RABEP1: variants seen among roughly 807,000 people sequenced by gnomAD.
The protein encoded by RABEP1 is rabaptin, RAB GTPase binding effector protein 1, also known as rab GTPase-binding effector protein 1.
Under a neutral mutation model 123.4 loss-of-function variants are expected in RABEP1, and 51 were observed. The ratio of observed to expected loss-of-function variants is 0.41; its 90% CI spans 0.33 to 0.52. The LOEUF is 0.52. Among genes scored for constraint, RABEP1 ranks in the 20% least tolerant of loss-of-function variants. The pLI, the probability that RABEP1 is intolerant of heterozygous loss-of-function variation, is 0.16. For missense variants in RABEP1, 888 were observed against 996.3 expected, an observed-to-expected ratio of 0.89 and a Z score of 1.46; for synonymous variants, 347 against 355.2, an observed-to-expected ratio of 0.98 and a Z score of 0.26.
At chr17:5,329,626 A>T (rs1161908296) in intron 2 of RABEP1, among the ~76,000 whole-genome samples, 1 of 152,202 alleles carries the variant, frequency 6.6e-6, no homozygotes, top group Non-Finnish European at 1.5e-5. Context: ...ACTTTTGAAT[A>T]TGTTTGAAAA....
At chr17:5,364,339 G>A (rs1252098792) in intron 10 of RABEP1, 1 of 152,194 alleles carries the variant, frequency 6.6e-6, no homozygotes, top group Non-Finnish European at 1.5e-5. Context: ...TATGTGGCTG[G>A]GCACAGGGGG....
intron 17 of RABEP1, among the ~76,000 whole-genome samples, chr17:5,382,838 T>C (rs1375936617): frequency 1.3e-5 from 2 of 151,982 alleles, no homozygotes; most frequent in African/African-American, 4.8e-5. Flanking sequence ...GAGAATCACT[T>C]GAACCCGGGA....
chr17:5,290,737 G>A (rs939729768), intron 1 of RABEP1, among the ~76,000 whole-genome samples: 11 of 151,900 alleles, frequency 7.2e-5, no homozygotes, highest in African/African-American at 1.5e-4. Context: ...GAATTACTCC[G>A]TGCTCATGAC....
At chr17:5,382,723 G>A (rs1477967571) in intron 17 of RABEP1, among the ~76,000 whole-genome samples, 1 of 152,056 alleles carries the variant, frequency 6.6e-6, no homozygotes, top group Non-Finnish European at 1.5e-5. Context: ...CTGCACTCCA[G>A]CCTGGGTGAC....
At chr17:5,354,917 T>C (rs570030939) in intron 8 of RABEP1, among the ~76,000 whole-genome samples, 1 of 152,268 alleles carries the variant, frequency 6.6e-6, no homozygotes, top group South Asian at 2.1e-4. Context: ...CTGACGGCCA[T>C]GGGTGAGGTT....
intron 1 of RABEP1, among the ~76,000 whole-genome samples, chr17:5,306,630 A>C (rs1003516791): frequency 2.0e-5 from 3 of 151,658 alleles, no homozygotes; most frequent in African/African-American, 7.3e-5. Flanking sequence ...TCTGTCTGAA[A>C]AAAAAAAAAG....
intron 16 of RABEP1, 149 bp downstream of exon 16, chr17:5,380,611 A>C: frequency 1.4e-6 from 1 of 714,140 alleles, no homozygotes; most frequent in East Asian, 2.8e-5. Context: ...GAAAAAACTT[A>C]AACGAATTGA....
chr17:5,350,334 T>A (rs1442547392), intron 6 of RABEP1, 117 bp from the exon 7 acceptor site: 1 of 1,081,392 alleles, frequency 9.2e-7, no homozygotes, highest in Non-Finnish European at 1.3e-6. Context: ...GAGCCAAGAT[T>A]GCACCACTGC....
intron 2 of RABEP1, among the ~76,000 whole-genome samples, chr17:5,324,190 A>G (rs1905734802): frequency 6.6e-6 from 1 of 152,176 alleles, no homozygotes; most frequent in Non-Finnish European, 1.5e-5. Context: ...AAAATTTACT[A>G]CAAAGCTATA....
intron 1 of RABEP1, among the ~76,000 whole-genome samples, chr17:5,302,244 A>ATTTT (rs57770310): frequency 8.4e-6 from 1 of 118,394 alleles, no homozygotes. Flanking sequence ...TACTGAAAAC[A>ATTTT]TTTTTTTTTT....
chr17:5,380,045 T>A (rs1389493912), intron 15 of RABEP1, among the ~76,000 whole-genome samples: 2 of 152,220 alleles, frequency 1.3e-5, no homozygotes, highest in Admixed American at 6.5e-5. Context: ...AATGTAGGAG[T>A]CAAATGTCAT....
chr17:5,376,421 G>C (rs1042394464), intron 13 of RABEP1, among the ~76,000 whole-genome samples: 1 of 152,280 alleles, frequency 6.6e-6, no homozygotes, highest in African/African-American at 2.4e-5. Flanking sequence ...TAAATCTTAG[G>C]AAATTTTAAA....
At chr17:5,368,537 C>A in intron 12 of RABEP1, 69 bp downstream of exon 12, 1 of 1,112,596 alleles carries the variant, frequency 9.0e-7, no homozygotes, top group Non-Finnish European at 1.4e-6. Context: ...ATCTTGACAT[C>A]ATCTTTGATA....
intron 1 of RABEP1, among the ~76,000 whole-genome samples, chr17:5,289,150 TCCTC>T (rs1233430355): frequency 2.5e-5 from 3 of 120,002 alleles, no homozygotes; most frequent in African/African-American, 9.7e-5. Flanking sequence ...TGCCCTCCCT[TCCTC>T]CCTCCCTTTC....
Position 5,350,457 on chromosome 17 carries a change from A to G in RABEP1, c.791A>G (p.His264Arg), listed in dbSNP as rs1342042792. The change falls in exon 7 of 18, where the codon CAT becomes CGT. Residue 264 changes from histidine (H) to arginine (R), a missense_variant. Transcript: ENST00000537505. ...KLRKELHEVC[H>R]LLEQERQQHN... ...TGGGGGGGTTCCTAAACAGTTTGCC[A>G]TCTCTTGGAGCAAGAGCGACAACAA... The G allele has an allele frequency of 2.5e-6, 4 of 1,609,352 alleles. No individual in the cohort carries two copies. The highest frequency in any genetic ancestry group is 2.5e-6 in the Non-Finnish European group (3 of 1,178,540).
chr17:5,285,790 A>G (rs976835965), intron 1 of RABEP1, among the ~76,000 whole-genome samples: 1 of 152,316 alleles, frequency 6.6e-6, no homozygotes, highest in African/African-American at 2.4e-5. Flanking sequence ...AATCCATGCC[A>G]TCTGGCTTAT....
chr17:5,290,633 C>G (rs1597324559), intron 1 of RABEP1, among the ~76,000 whole-genome samples: 1 of 152,092 alleles, frequency 6.6e-6, no homozygotes, highest in South Asian at 2.1e-4. Flanking sequence ...TTCTCTGTTG[C>G]CCATGCTAAA....
At chr17:5,295,153 G>A (rs574480937) in intron 1 of RABEP1, among the ~76,000 whole-genome samples, 14 of 151,724 alleles carry the variant, frequency 9.2e-5, no homozygotes, top group South Asian at 6.3e-4. Context: ...AGACCGAGTC[G>A]GGCAAATCAC....
intron 16 of RABEP1, 111 bp from the exon 17 acceptor site, chr17:5,381,278 C>G: frequency 6.8e-7 from 1 of 1,479,168 alleles, no homozygotes; most frequent in Non-Finnish European, 9.1e-7. Flanking sequence ...AGGAGTGCGA[C>G]GGATATCCAC....
Sources: gnomAD v4.1 joint callset for allele counts (sites outside exome capture counted in the v4.1 genomes callset) on GRCh38, gnomAD v4.1.1 for gene constraint, MANE v1.5 for transcripts, NCBI Gene and HGNC (gene_info 2026-07-23, HGNC 2026-07-21) for gene names.